The following DRD2 variants were observed in gnomAD, a reference collection of about 807,000 sequenced individuals.
DRD2 encodes the protein D(2) dopamine receptor.
DRD2 carries 8 observed loss-of-function variants against 38.0 expected under a neutral mutation model. The ratio of observed to expected loss-of-function variants is 0.21; its 90% CI spans 0.12 to 0.38. The LOEUF (loss-of-function observed/expected upper bound fraction) is 0.38. Among genes scored for constraint, DRD2 ranks in the 10% least tolerant of loss-of-function variants. DRD2 has a pLI of 1.00. For synonymous variants in DRD2, 230 were observed against 238.6 expected (o/e 0.96, Z 0.33); for missense variants, 403 against 607.7 (o/e 0.66, Z 3.54).
Position 113,409,847 on chromosome 11 carries a change from G to A in DRD2, c.*880C>T, listed in dbSNP as rs1950749566. The stretch of plus-strand genomic sequence containing the variant: ...AGGAATAGAAAAGGAAAGTGGTTTT[G>A]CGTCAGAGTGTGGCAGAGGCAGTCC... On this transcript the variant is annotated 3_prime_UTR_variant, in exon 8 of 8. Coordinates refer to ENST00000362072, the MANE Select transcript of DRD2 (RefSeq NM_000795.4). The A allele has an allele frequency of 6.5e-6, 1 of 152,796 alleles. No individual in the cohort carries two copies. Among genetic ancestry groups the A allele is most frequent in the African/African-American group, 2.4e-5 (1 of 41,458 alleles). 9.5% of individuals were successfully genotyped at this position (152,796 alleles called of 1,614,324 possible). A position where few individuals can be genotyped will look rare whatever the true frequency, so the allele number is the denominator to read the frequency against.
At chr11:113,434,785 C>A (rs907469089) in intron 1 of DRD2, among the ~76,000 whole-genome samples, 19 of 151,870 alleles carry the variant, frequency 1.3e-4, no homozygotes, top group Non-Finnish European at 2.4e-4. Flanking sequence ...CATCCCCCCC[C>A]ATCAGCACCA....
At chr11:113,419,676 GC>G (rs1480598432) in intron 2 of DRD2, among the ~76,000 whole-genome samples, 6 of 152,140 alleles carry the variant, frequency 3.9e-5, no homozygotes, top group African/African-American at 1.2e-4. Flanking sequence ...GAGCGTGAAA[GC>G]CCCCTCCCGC....
chr11:113,465,396 G>A (rs1046892714), intron 1 of DRD2, among the ~76,000 whole-genome samples: 8 of 139,800 alleles, frequency 5.7e-5, no homozygotes, highest in African/African-American at 2.0e-4. Context: ...TGCCTGGCCA[G>A]TTTTTGTTGT....
At chr11:113,427,391 C>T (rs979821691) in intron 1 of DRD2, among the ~76,000 whole-genome samples, 2 of 152,108 alleles carry the variant, frequency 1.3e-5, no homozygotes, top group African/African-American at 4.8e-5. Flanking sequence ...CCTCAGGGTC[C>T]TGCAGCACTG....
intron 1 of DRD2, among the ~76,000 whole-genome samples, chr11:113,465,450 G>T (rs11601054): frequency 6.7e-6 from 1 of 150,292 alleles, no homozygotes; most frequent in Non-Finnish European, 1.5e-5. Context: ...TTGTTTTACT[G>T]CAAATTGAAT....
chr11:113,443,068 C>G (rs969398910), intron 1 of DRD2, among the ~76,000 whole-genome samples: 2 of 152,282 alleles, frequency 1.3e-5, no homozygotes, highest in South Asian at 2.1e-4. Context: ...GATCCAGCTG[C>G]TACTGGTCCT....
intron 1 of DRD2, among the ~76,000 whole-genome samples, chr11:113,440,755 G>A (rs1453113854): frequency 6.6e-6 from 1 of 152,226 alleles, no homozygotes; most frequent in Non-Finnish European, 1.5e-5. Flanking sequence ...GCAGAAAGGA[G>A]AGAAATGGAG....
chr11:113,452,435 CGTGTGTGTGTGTGT>C (rs759448996), intron 1 of DRD2, among the ~76,000 whole-genome samples: 5 of 130,328 alleles, frequency 3.8e-5, no homozygotes, highest in African/African-American at 5.9e-5. Context: ...GGTGTGCATG[CGTGTGTGTGTGTGT>C]GTGTGTGTGT....
intron 6 of DRD2, 71 bp downstream of exon 6, chr11:113,414,304 C>G (rs2138159984): frequency 6.8e-7 from 1 of 1,466,826 alleles, no homozygotes; most frequent in South Asian, 1.1e-5. Flanking sequence ...TCTGAGGTCT[C>G]AGAACCATGG....
chr11:113,465,731 T>G (rs1045384153), intron 1 of DRD2, among the ~76,000 whole-genome samples: 1 of 152,216 alleles, frequency 6.6e-6, no homozygotes, highest in Non-Finnish European at 1.5e-5. Flanking sequence ...TTCTCTGCTG[T>G]GTAACATTGG....
At chr11:113,462,293 C>T (rs930411633) in intron 1 of DRD2, among the ~76,000 whole-genome samples, 9 of 152,164 alleles carry the variant, frequency 5.9e-5, no homozygotes, top group African/African-American at 2.2e-4. Context: ...GACCCCCAAG[C>T]CCCCAACATC....
chr11:113,421,139 G>A (rs920133552), intron 2 of DRD2, among the ~76,000 whole-genome samples: 12 of 152,154 alleles, frequency 7.9e-5, no homozygotes, highest in African/African-American at 2.9e-4. Context: ...CCTGCTGGGT[G>A]GCTTTCTTGA....
rs1950926747 is a variant in DRD2, at chr11:113,425,017, C to G, written c.-31-335G>C. 4 of 327,562 alleles carry G rather than the reference C, an allele frequency of 1.2e-5. No homozygotes were observed. In the South Asian group the frequency reaches 1.4e-4, roughly 11 times the overall value. 20.3% of individuals were successfully genotyped at this position (327,562 alleles called of 1,614,324 possible). A position where few individuals can be genotyped will look rare whatever the true frequency, so the allele number is the denominator to read the frequency against. On this transcript the variant is annotated intron_variant, in intron 1 of 7. Coordinates refer to ENST00000362072, the MANE Select transcript of DRD2 (RefSeq NM_000795.4). Reference sequence around the variant, plus strand: ...CACTTCAGTTAACCAGGCTTGCTACCTTCTAGTCATCGAAACAGAAATGGG... The same window carrying G: ...CACTTCAGTTAACCAGGCTTGCTACGTTCTAGTCATCGAAACAGAAATGGG...
At chr11:113,415,748 G>C in intron 4 of DRD2, 137 bp from the exon 5 acceptor site, 1 of 964,856 alleles carries the variant, frequency 1.0e-6, no homozygotes, top group African/African-American at 1.6e-5. Flanking sequence ...GTTTAAGGCT[G>C]CCTGGTCATC....
chr11:113,416,729 C>T, intron 4 of DRD2, 134 bp downstream of exon 4: 3 of 1,327,030 alleles, frequency 2.3e-6, no homozygotes, highest in Non-Finnish European at 3.2e-6. Flanking sequence ...AGCCTGGACT[C>T]AGTCCAGGGT....
At chr11:113,423,420 C>T (rs895126827) in intron 2 of DRD2, among the ~76,000 whole-genome samples, 10 of 152,276 alleles carry the variant, frequency 6.6e-5, no homozygotes, top group African/African-American at 2.4e-4. Flanking sequence ...GGATTACAGG[C>T]ATATGCCACC....
chr11:113,459,583 T>C (rs1247023711), intron 1 of DRD2, among the ~76,000 whole-genome samples: 1 of 151,946 alleles, frequency 6.6e-6, no homozygotes, highest in Non-Finnish European at 1.5e-5. Flanking sequence ...CAGTGAGAAC[T>C]AAAAAAGGTG....
At chr11:113,419,772 C>G (rs1375686269) in intron 2 of DRD2, among the ~76,000 whole-genome samples, 1 of 152,224 alleles carries the variant, frequency 6.6e-6, no homozygotes. Context: ...TCACTGCCCT[C>G]TCTTCTGCTC....
chr11:113,466,778 G>A (rs563229491), intron 1 of DRD2, among the ~76,000 whole-genome samples: 10 of 152,292 alleles, frequency 6.6e-5, no homozygotes, highest in African/African-American at 2.4e-4. Flanking sequence ...TAACTACCAA[G>A]TGCCTAGCAC....
Sources: allele counts gnomAD v4.1 joint callset (sites outside exome capture counted in the v4.1 genomes callset), GRCh38; gene constraint gnomAD v4.1.1; transcripts MANE v1.5; gene names NCBI Gene and HGNC (gene_info 2026-07-23, HGNC 2026-07-21).